The following CNTN1 variants were observed in gnomAD, a reference collection of about 807,000 sequenced individuals.
CNTN1 encodes contactin 1, also known as contactin-1.
Under a neutral mutation model 126.4 loss-of-function variants are expected in CNTN1, and 38 were observed. The ratio of observed to expected loss-of-function variants is 0.30; its 90% confidence interval spans 0.23 to 0.39. The LOEUF (loss-of-function observed/expected upper bound fraction) is 0.39. CNTN1 is among the 10% of genes least tolerant of loss of function. The pLI, the probability that CNTN1 is intolerant of heterozygous loss-of-function variation, is 1.00. For missense variants in CNTN1, 1,009 were observed against 1,248.4 expected (o/e 0.81, Z 2.89); for synonymous variants, 413 against 422.6 (o/e 0.98, Z 0.28).
At chr12:40,978,175 A>T (rs972267807) in intron 15 of CNTN1, among the ~76,000 whole-genome samples, 11 of 152,138 alleles carry the variant, frequency 7.2e-5, no homozygotes, top group African/African-American at 2.4e-4. Context: ...TAACGATTTT[A>T]AGAAACTTGC....
chr12:40,904,013 T>C (rs1381661942), intron 1 of CNTN1, among the ~76,000 whole-genome samples: 1 of 152,226 alleles, frequency 6.6e-6, no homozygotes, highest in Non-Finnish European at 1.5e-5. Flanking sequence ...TCCTTCTTTC[T>C]TTCTCGTCTC....
chr12:41,011,184 T>G (rs1356601929), intron 17 of CNTN1, among the ~76,000 whole-genome samples: 1 of 152,208 alleles, frequency 6.6e-6, no homozygotes, highest in East Asian at 1.9e-4. Context: ...AGATGGGAAC[T>G]TGAGGTGACC....
chr12:40,782,606 T>C (rs187408507), intron 1 of CNTN1, among the ~76,000 whole-genome samples: 51 of 152,048 alleles, frequency 3.4e-4, no homozygotes, highest in African/African-American at 1.2e-3. Context: ...GGAGGGACAA[T>C]TGGAATGATG....
chr12:40,700,530 T>TAA (rs112912400), intron 1 of CNTN1, among the ~76,000 whole-genome samples: 2 of 145,452 alleles, frequency 1.4e-5, no homozygotes, highest in African/African-American at 5.0e-5. Flanking sequence ...TGTCTCAAAA[T>TAA]AAAAAAAAAA....
intron 1 of CNTN1, among the ~76,000 whole-genome samples, chr12:40,894,449 C>T (rs976396631): frequency 4.6e-5 from 7 of 151,998 alleles, no homozygotes; most frequent in Non-Finnish European, 7.4e-5. Context: ...ACTACAGTAA[C>T]GCAAAATGTT....
At chr12:40,987,505 A>G (rs1410968793) in intron 16 of CNTN1, among the ~76,000 whole-genome samples, 1 of 152,162 alleles carries the variant, frequency 6.6e-6, no homozygotes, top group Non-Finnish European at 1.5e-5. Context: ...GAATATTGTT[A>G]GTGATGGTGT....
chr12:40,884,653 A>G (rs1379625576), intron 1 of CNTN1, among the ~76,000 whole-genome samples: 1 of 151,566 alleles, frequency 6.6e-6, no homozygotes, highest in African/African-American at 2.4e-5. Context: ...ATCAAATAAA[A>G]TATATATACA....
At chr12:40,875,735 A>T (rs780309568) in intron 1 of CNTN1, among the ~76,000 whole-genome samples, 1 of 152,112 alleles carries the variant, frequency 6.6e-6, no homozygotes, top group Non-Finnish European at 1.5e-5. Context: ...GTATGTAAGT[A>T]CCACAGTTGG....
At chr12:40,859,714 C>A (rs1943053438) in intron 1 of CNTN1, among the ~76,000 whole-genome samples, 1 of 152,058 alleles carries the variant, frequency 6.6e-6, no homozygotes, top group Middle Eastern at 3.2e-3. Context: ...TGAGATCTTA[C>A]AATTCTGTTT....
At chr12:40,808,656 C>T (rs73114727) in intron 1 of CNTN1, among the ~76,000 whole-genome samples, 3,456 of 152,158 alleles carry the variant, frequency 0.023, 124 homozygotes, top group African/African-American at 0.077. Context: ...AAAATAGGCT[C>T]TTCCATATTG....
chr12:40,693,738 C>T (rs932258581), intron 1 of CNTN1, among the ~76,000 whole-genome samples: 1 of 152,162 alleles, frequency 6.6e-6, no homozygotes, highest in South Asian at 2.1e-4. Flanking sequence ...GCTGCTGAGC[C>T]GGCTGCCTTG....
Position 40,933,855 on chromosome 12 carries a change from A to G in CNTN1, c.962A>G (p.His321Arg). 4 of 1,612,034 alleles carry G rather than the reference A, an allele frequency of 2.5e-6. No homozygotes were observed. The highest frequency in any genetic ancestry group is 3.4e-6 in the Non-Finnish European group (4 of 1,178,494). Residue 321 changes from histidine (H) to arginine (R), a missense_variant, in exon 9 of 24, where the codon CAT becomes CGT. Coordinates refer to ENST00000551295, the MANE Select transcript of CNTN1 (RefSeq NM_001843.4). ...GAGAACATTAGAGGAAAGGATAAACATCAAGCAAGAATTTATGTTCAAGGT... is the reference window on the plus strand; with the variant it reads ...GAGAACATTAGAGGAAAGGATAAACGTCAAGCAAGAATTTATGTTCAAGGT... ...EAENIRGKDK[H>R]QARIYVQAFP...
rs200400054 is a variant in CNTN1 at position 40,942,361 on chromosome 12, C to T, written c.1380-1236C>T. 1.1e-4 allele frequency among the ~76,000 whole-genome samples: 16 copies of T among 152,086 alleles called. No homozygotes were observed. The East Asian group carries it at 2.7e-3, about 26-fold the overall frequency. ...ATTTTACTGAGATACAGGTCTGATC[C>T]CAGATGAAGGACAGAGGGAAGGAAG... On this transcript the variant is annotated intron_variant, in intron 12 of 23. Coordinates refer to ENST00000551295, the MANE Select transcript of CNTN1 (RefSeq NM_001843.4).
chr12:40,938,496 C>T (rs1946157401), intron 11 of CNTN1, among the ~76,000 whole-genome samples: 1 of 152,140 alleles, frequency 6.6e-6, no homozygotes, highest in African/African-American at 2.4e-5. Context: ...GCTTTGGAAA[C>T]AGAAGGACCT....
chr12:40,725,943 T>C (rs1245704642), intron 1 of CNTN1, among the ~76,000 whole-genome samples: 1 of 150,582 alleles, frequency 6.6e-6, no homozygotes, highest in Non-Finnish European at 1.5e-5. Flanking sequence ...AGAGAAGCAA[T>C]AATTTAAAAT....
intron 19 of CNTN1, among the ~76,000 whole-genome samples, chr12:41,018,694 A>ATG (rs1257922436): frequency 1.4e-4 from 13 of 90,676 alleles, no homozygotes; most frequent in African/African-American, 7.8e-4. Flanking sequence ...GTATTTTAAT[A>ATG]TATGTGTGTG....
intron 1 of CNTN1, among the ~76,000 whole-genome samples, chr12:40,764,027 C>G (rs1212901186): frequency 6.6e-6 from 1 of 152,172 alleles, no homozygotes; most frequent in East Asian, 1.9e-4. Flanking sequence ...TTTTAAGGCT[C>G]TGTTTAGAGA....
intron 1 of CNTN1, among the ~76,000 whole-genome samples, chr12:40,725,933 A>G (rs1391618485): frequency 6.6e-6 from 1 of 152,126 alleles, no homozygotes; most frequent in East Asian, 1.9e-4. Flanking sequence ...ACAGCAAACA[A>G]GAGAAGCAAT....
intron 15 of CNTN1, among the ~76,000 whole-genome samples, chr12:40,980,187 C>A (rs1381479878): frequency 6.6e-6 from 1 of 152,088 alleles, no homozygotes; most frequent in Non-Finnish European, 1.5e-5. Context: ...AGTCCCAACA[C>A]TTTGGAATGC....
Sources: gnomAD v4.1 joint callset for allele counts (sites outside exome capture counted in the v4.1 genomes callset) on GRCh38, gnomAD v4.1.1 for gene constraint, MANE v1.5 for transcripts, NCBI Gene and HGNC (gene_info 2026-07-23, HGNC 2026-07-21) for gene names.